The following ADAMTS3 variants were observed in gnomAD, a reference collection of about 807,000 sequenced individuals.
The protein encoded by ADAMTS3 is A disintegrin and metalloproteinase with thrombospondin motifs 3.
A neutral mutation model predicts 129.0 loss-of-function variants in ADAMTS3; 73 were observed. The observed-to-expected ratio is 0.57, with a 90% CI of 0.47 to 0.69. The LOEUF is 0.69. Among genes scored for constraint, ADAMTS3 ranks in the 30% least tolerant of loss-of-function variants. The pLI, the probability that ADAMTS3 is intolerant of heterozygous loss-of-function variation, is 0.00. For missense variants in ADAMTS3, 1,457 were observed against 1,514.5 expected (o/e 0.96, Z 0.63); for synonymous variants, 477 against 510.8 (o/e 0.93, Z 0.89).
chr4:72,551,157 G>C (rs1721636988), intron 2 of ADAMTS3, among the ~76,000 whole-genome samples: 1 of 152,076 alleles, frequency 6.6e-6, no homozygotes, highest in Admixed American at 6.6e-5. Flanking sequence ...AGGAAGCAGT[G>C]CTTAATTTCA....
At chr4:72,286,353 T>C (rs1041150985) in intron 21 of ADAMTS3, among the ~76,000 whole-genome samples, 4 of 152,244 alleles carry the variant, frequency 2.6e-5, no homozygotes, top group African/African-American at 9.6e-5. Flanking sequence ...GATTTGTATT[T>C]TGAGCTCTTA....
intron 3 of ADAMTS3, among the ~76,000 whole-genome samples, chr4:72,443,099 G>A (rs1376501200): frequency 6.6e-6 from 1 of 151,460 alleles, no homozygotes; most frequent in Non-Finnish European, 1.5e-5. Flanking sequence ...TATCCTTCTT[G>A]GCGACTGAAA....
At chr4:72,302,306 A>T (rs1322545358) in intron 17 of ADAMTS3, among the ~76,000 whole-genome samples, 16 of 145,104 alleles carry the variant, frequency 1.1e-4, no homozygotes, top group Non-Finnish European at 2.3e-4. Flanking sequence ...ATGGAAATAA[A>T]AAAAAAAAAA....
At chr4:72,512,486 C>T (rs531772699) in intron 3 of ADAMTS3, among the ~76,000 whole-genome samples, 54 of 152,014 alleles carry the variant, frequency 3.6e-4, no homozygotes, top group Non-Finnish European at 5.7e-4. Flanking sequence ...AGCAAGACTC[C>T]GTCTCAAAAA....
intron 4 of ADAMTS3, among the ~76,000 whole-genome samples, chr4:72,351,556 CA>C (rs34564265): frequency 1.3e-3 from 160 of 124,836 alleles, no homozygotes; most frequent in Non-Finnish European, 1.3e-3. Flanking sequence ...AGGAAATTTC[CA>C]AAAAAAAAAA....
At chr4:72,375,798 T>C (rs990113604) in intron 4 of ADAMTS3, among the ~76,000 whole-genome samples, 2 of 152,160 alleles carry the variant, frequency 1.3e-5, no homozygotes, top group Non-Finnish European at 2.9e-5. Context: ...AAGAATTATT[T>C]CACTCCAAAG....
At chr4:72,486,197 G>A (rs897678333) in intron 3 of ADAMTS3, among the ~76,000 whole-genome samples, 1 of 152,064 alleles carries the variant, frequency 6.6e-6, no homozygotes, top group Admixed American at 6.6e-5. Flanking sequence ...TATAAATGAG[G>A]AAACTAAGAT....
intron 3 of ADAMTS3, among the ~76,000 whole-genome samples, chr4:72,442,713 A>C (rs988296334): frequency 3.3e-5 from 5 of 151,866 alleles, no homozygotes; most frequent in African/African-American, 1.2e-4. Flanking sequence ...GATTGCCCAG[A>C]GGGATTGCTC....
intron 4 of ADAMTS3, among the ~76,000 whole-genome samples, chr4:72,409,190 T>C (rs1283959231): frequency 6.6e-6 from 1 of 152,184 alleles, no homozygotes; most frequent in Non-Finnish European, 1.5e-5. Context: ...GCAAAAGCAG[T>C]TGACATGCGA....
intron 3 of ADAMTS3, among the ~76,000 whole-genome samples, chr4:72,462,354 G>T (rs1227215095): frequency 1.3e-5 from 2 of 151,920 alleles, no homozygotes; most frequent in Non-Finnish European, 2.9e-5. Flanking sequence ...TCGTTTTTGT[G>T]CTGTTAGTTC....
At chr4:72,516,820 C>A (rs1720497623) in intron 3 of ADAMTS3, among the ~76,000 whole-genome samples, 1 of 151,832 alleles carries the variant, frequency 6.6e-6, no homozygotes, top group Non-Finnish European at 1.5e-5. Flanking sequence ...TAATTGAATA[C>A]CCTTTATTTC....
intron 3 of ADAMTS3, among the ~76,000 whole-genome samples, chr4:72,487,163 C>A (rs1719612551): frequency 6.6e-6 from 1 of 152,056 alleles, no homozygotes; most frequent in African/African-American, 2.4e-5. Context: ...TATGTCAACT[C>A]TTAGATCATT....
Position 72,328,843 on chromosome 4 carries a change from AAAG to A in ADAMTS3, c.862-5749_862-5747del, listed in dbSNP as rs561428662. 4.5e-4 allele frequency among the ~76,000 whole-genome samples: 69 copies of A among 152,290 alleles called. 1 individual carries two copies. In the South Asian group the frequency reaches 0.013, roughly 28 times the overall value. ...GCCTGAGTGATTCTGGCTAGATATA[AAAG>A]AATACTGAAATGGACTGAGAAAAGT... On this transcript the variant is annotated intron_variant, in intron 5 of 21. Transcript: ENST00000286657.
chr4:72,480,176 C>T (rs1719390402), intron 3 of ADAMTS3, among the ~76,000 whole-genome samples: 1 of 152,050 alleles, frequency 6.6e-6, no homozygotes, highest in Non-Finnish European at 1.5e-5. Flanking sequence ...ATCATTTGAC[C>T]CAGCCATCCC....
chr4:72,297,647 G>A (rs1718842251), intron 18 of ADAMTS3, among the ~76,000 whole-genome samples: 1 of 152,094 alleles, frequency 6.6e-6, no homozygotes, highest in Non-Finnish European at 1.5e-5. Context: ...AACGGAGGCA[G>A]CACAGTGCAG....
At chr4:72,362,808 T>C (rs1720763686) in intron 4 of ADAMTS3, among the ~76,000 whole-genome samples, 1 of 152,104 alleles carries the variant, frequency 6.6e-6, no homozygotes, top group African/African-American at 2.4e-5. Context: ...GGGCCTAAAG[T>C]AGTAAATAGG....
chr4:72,525,963 CA>C (rs1011177434), intron 3 of ADAMTS3, among the ~76,000 whole-genome samples: 5 of 152,076 alleles, frequency 3.3e-5, no homozygotes, highest in African/African-American at 1.2e-4. Context: ...TTAAGAAAAA[CA>C]AGGGGGTAGA....
chr4:72,288,867 C>G lies in ADAMTS3; in HGVS notation c.2933G>C (p.Cys978Ser), dbSNP rs564531933. The G allele has an allele frequency of 4.4e-6, 7 of 1,598,016 alleles. No homozygotes were observed. Among genetic ancestry groups the G allele is most frequent in the Non-Finnish European group, 6.0e-6 (7 of 1,168,980 alleles). The change falls in exon 21 of 22, where the codon TGT becomes TCT. Residue 978 changes from cysteine (C) to serine (S), a missense_variant and splice_region_variant. Transcript: ENST00000286657. ...AQWKTGPWSECSVTCGEGTEV... is the reference protein window; with the variant it reads ...AQWKTGPWSESSVTCGEGTEV... The stretch of plus-strand genomic sequence containing the variant: ...CGTTCCTTCACCGCAGGTCACTGAA[C>G]ACTGCAGAGACAAAGGCTGTGGTTA...
chr4:72,449,733 C>A (rs1473977654), intron 3 of ADAMTS3, among the ~76,000 whole-genome samples: 1 of 151,796 alleles, frequency 6.6e-6, no homozygotes, highest in South Asian at 2.1e-4. Flanking sequence ...GCTTACACAG[C>A]CATACAAGAC....
Sources: gnomAD v4.1 joint callset for allele counts (sites outside exome capture counted in the v4.1 genomes callset) on GRCh38, gnomAD v4.1.1 for gene constraint, MANE v1.5 for transcripts, NCBI Gene and HGNC (gene_info 2026-07-23, HGNC 2026-07-21) for gene names.